Variants in SNTB1 observed in about 807,000 individuals in gnomAD.
The protein encoded by SNTB1 is syntrophin beta 1, also known as beta-1-syntrophin.
A neutral mutation model predicts 48.9 loss-of-function variants in SNTB1; 36 were observed. The observed-to-expected ratio is 0.74, with a 90% CI of 0.56 to 0.97. The LOEUF is 0.97. Among genes scored for constraint, SNTB1 ranks in the 50% least tolerant of loss-of-function variants. The pLI is 0.00. For missense variants in SNTB1, 786 were observed against 703.4 expected, an observed-to-expected ratio of 1.12 and a Z score of -1.33; for synonymous variants, 299 against 294.6, an observed-to-expected ratio of 1.01 and a Z score of -0.15.
At chr8:120,596,021 G>A (rs77956709) in intron 3 of SNTB1, among the ~76,000 whole-genome samples, 3,584 of 152,232 alleles carry the variant, frequency 0.024, 55 homozygotes, top group Non-Finnish European at 0.035. Context: ...TTTCATGCAT[G>A]TGTTTCTGTG....
chr8:120,648,879 T>A (rs1276349202), intron 2 of SNTB1, among the ~76,000 whole-genome samples: 1 of 152,128 alleles, frequency 6.6e-6, no homozygotes, highest in Non-Finnish European at 1.5e-5. Context: ...TTTATTCTTT[T>A]TTCTCTAAAC....
intron 1 of SNTB1, among the ~76,000 whole-genome samples, chr8:120,713,874 C>T (rs1161684046): frequency 6.6e-6 from 1 of 151,946 alleles, no homozygotes; most frequent in African/African-American, 2.4e-5. Context: ...TGGATGTAGG[C>T]ATTAAAAGAG....
intron 3 of SNTB1, among the ~76,000 whole-genome samples, chr8:120,620,865 A>G (rs1465752328): frequency 6.6e-6 from 1 of 151,258 alleles, no homozygotes; most frequent in Non-Finnish European, 1.5e-5. Flanking sequence ...GTTAAAATGC[A>G]TCTTCCTCCT....
chr8:120,755,544 G>C (rs770596289), intron 1 of SNTB1, among the ~76,000 whole-genome samples: 9 of 151,948 alleles, frequency 5.9e-5, no homozygotes, highest in Non-Finnish European at 1.2e-4. Context: ...TGTGAAAAGG[G>C]GCAATTTAAT....
At position 120,632,637 on chromosome 8, in the gene SNTB1, T is replaced by C. The variant is rs754402269; in HGVS notation, c.803A>G (p.His268Arg). Reference sequence around the variant, plus strand: ...CACCGTGTGCTTAGCATCTGGAGAGTGGATTTCAAGCTGCCTAGAGGAGCA... The same window carrying C: ...CACCGTGTGCTTAGCATCTGGAGAGCGGATTTCAAGCTGCCTAGAGGAGCA... ...ADPENRQLEI[H>R]SPDAKHTVIL... The change falls in exon 3 of 7, where the codon CAC becomes CGC. Residue 268 changes from histidine to arginine, a missense_variant. Physicochemically the swap from His to Arg is conservative, Grantham distance 29. Transcript: ENST00000517992. 1 of 1,613,846 alleles carries C rather than the reference T, an allele frequency of 6.2e-7. No homozygotes were observed. The highest frequency in any genetic ancestry group is 2.2e-5 in the East Asian group (1 of 44,868).
intron 1 of SNTB1, among the ~76,000 whole-genome samples, chr8:120,730,705 T>A (rs1478162757): frequency 6.6e-6 from 1 of 152,232 alleles, no homozygotes; most frequent in Admixed American, 6.5e-5. Flanking sequence ...ATTTTTGAAC[T>A]TTAATCTCAT....
intron 2 of SNTB1, among the ~76,000 whole-genome samples, chr8:120,650,966 CCCT>C (rs1554650297): frequency 6.6e-6 from 1 of 152,168 alleles, no homozygotes; most frequent in Non-Finnish European, 1.5e-5. Flanking sequence ...TACTTAAACT[CCCT>C]AAGCCTCGAT....
Position 120,617,923 on chromosome 8 carries a change from C to T in SNTB1, c.996+14521G>A, listed in dbSNP as rs563307099. ...TCTAAAAATGCAATACAGCAGCAAACGAGTGAAGGTACAACTGCCTAAGGG... is the reference window on the plus strand; with the variant it reads ...TCTAAAAATGCAATACAGCAGCAAATGAGTGAAGGTACAACTGCCTAAGGG... On this transcript the variant is annotated intron_variant, in intron 3 of 6. Transcript: ENST00000517992. 5.3e-5 allele frequency among the ~76,000 whole-genome samples: 8 copies of T among 152,192 alleles called. No individual in the cohort carries two copies. In the South Asian group the frequency reaches 1.7e-3, roughly 32 times the overall value.
At position 120,811,622 on chromosome 8, in the gene SNTB1, A is replaced by G. The variant is rs1488761245; in HGVS notation, c.222T>C (p.Ala74=). The G allele has an allele frequency of 6.3e-7, 1 of 1,589,984 alleles. No individual in the cohort carries two copies. The highest frequency in any genetic ancestry group is 8.5e-7 in the Non-Finnish European group (1 of 1,172,148). ...TNGSFCRGAG[A]GHPGAGGAQP... ...GCGCGCCGCCCGCGCCCGGGTGCCC[A>G]GCCCCGGCGCCCCTGCAGAACGAGC... The change falls in exon 1 of 7, where the codon GCT becomes GCC. Residue 74 remains alanine, a synonymous_variant. Transcript: ENST00000517992.
At chr8:120,733,821 C>T (rs1227221925) in intron 1 of SNTB1, among the ~76,000 whole-genome samples, 1 of 152,124 alleles carries the variant, frequency 6.6e-6, no homozygotes, top group Non-Finnish European at 1.5e-5. Flanking sequence ...GTAGGTACTG[C>T]CTCAAGGAAG....
At chr8:120,800,187 G>A (rs1377664235) in intron 1 of SNTB1, among the ~76,000 whole-genome samples, 1 of 152,004 alleles carries the variant, frequency 6.6e-6, no homozygotes, top group Non-Finnish European at 1.5e-5. Flanking sequence ...AAGAGTCATG[G>A]CTTTAGCTTA....
intron 2 of SNTB1, among the ~76,000 whole-genome samples, chr8:120,662,178 A>G (rs887959289): frequency 2.6e-5 from 4 of 152,318 alleles, no homozygotes; most frequent in African/African-American, 4.8e-5. Context: ...TAAATCAGCT[A>G]CCCACAAAAT....
intron 4 of SNTB1, among the ~76,000 whole-genome samples, chr8:120,554,491 T>C (rs1815532688): frequency 6.6e-6 from 1 of 152,208 alleles, no homozygotes; most frequent in Non-Finnish European, 1.5e-5. Flanking sequence ...GGTTTTGACC[T>C]GCGTGGTGGG....
chr8:120,806,079 C>T (rs892135661), intron 1 of SNTB1, among the ~76,000 whole-genome samples: 2 of 152,194 alleles, frequency 1.3e-5, no homozygotes, highest in African/African-American at 2.4e-5. Flanking sequence ...AAAGAGTTTG[C>T]AAAAGGTTAG....
chr8:120,625,289 C>A (rs370963553), intron 3 of SNTB1, among the ~76,000 whole-genome samples: 3 of 152,286 alleles, frequency 2.0e-5, no homozygotes, highest in South Asian at 2.1e-4. Flanking sequence ...ATCTCAAGTT[C>A]TATGGTTCTC....
chr8:120,559,536 T>C (rs1394562222), intron 4 of SNTB1, among the ~76,000 whole-genome samples: 1 of 152,208 alleles, frequency 6.6e-6, no homozygotes, highest in Non-Finnish European at 1.5e-5. Flanking sequence ...CTTTATGACA[T>C]TGGGGAACTC....
chr8:120,775,036 C>T (rs900192223), intron 1 of SNTB1, among the ~76,000 whole-genome samples: 3 of 152,028 alleles, frequency 2.0e-5, no homozygotes, highest in Admixed American at 6.6e-5. Context: ...ATCTATGAGG[C>T]GGCTCAAAGA....
chr8:120,796,972 T>C (rs1563605329), intron 1 of SNTB1, among the ~76,000 whole-genome samples: 2 of 152,092 alleles, frequency 1.3e-5, no homozygotes, highest in Non-Finnish European at 2.9e-5. Flanking sequence ...TAAAGAGGTA[T>C]ACATTTTTTA....
chr8:120,642,561 C>T (rs1350330209), intron 2 of SNTB1, among the ~76,000 whole-genome samples: 4 of 152,184 alleles, frequency 2.6e-5, no homozygotes, highest in African/African-American at 9.7e-5. Flanking sequence ...CAGGTGGCTT[C>T]TGGAGAGTAT....
Sources: gnomAD v4.1 joint callset for allele counts (sites outside exome capture counted in the v4.1 genomes callset) on GRCh38, gnomAD v4.1.1 for gene constraint, MANE v1.5 for transcripts, NCBI Gene and HGNC (gene_info 2026-07-23, HGNC 2026-07-21) for gene names.